Variants in DNM3 observed in about 807,000 individuals in gnomAD.
DNM3 encodes dynamin-3.
Under a neutral mutation model 101.6 loss-of-function variants are expected in DNM3, and 47 were observed. That is an observed-to-expected ratio of 0.46 (90% CI 0.37 to 0.59). DNM3 has a LOEUF of 0.59. DNM3 is among the 20% of genes least tolerant of loss of function. DNM3 has a pLI of 0.00. For missense variants in DNM3, 849 were observed against 1,085.7 expected (o/e 0.78, Z 3.06); for synonymous variants, 385 against 387.9 (o/e 0.99, Z 0.09).
intron 1 of DNM3, among the ~76,000 whole-genome samples, chr1:171,842,489 C>T (rs535179189): frequency 2.0e-5 from 3 of 152,296 alleles, no homozygotes; most frequent in East Asian, 3.9e-4. Flanking sequence ...GGTGTGTTTG[C>T]GTGTGCACCT....
intron 14 of DNM3, among the ~76,000 whole-genome samples, chr1:172,222,402 T>G (rs1300619133): frequency 6.6e-6 from 1 of 152,130 alleles, no homozygotes; most frequent in African/African-American, 2.4e-5. Context: ...ACAGATCCCC[T>G]GGGGCTTTGC....
chr1:172,172,761 G>A (rs538623965), intron 14 of DNM3, among the ~76,000 whole-genome samples: 6 of 151,852 alleles, frequency 4.0e-5, no homozygotes, highest in African/African-American at 1.4e-4. Context: ...AAAAACTGCG[G>A]AATTTAGTGA....
In DNM3 at chr1:172,392,412, A is replaced by G. The variant is rs542702131; in HGVS notation, c.2522+3603A>G. On this transcript the variant is annotated intron_variant, in intron 20 of 20. Transcript: ENST00000627582. ...TGAAGGGGCTAAATGCTGTTTGAAA[A>G]TCCAATCCAGTGTGTATTTATTTAC... Among the ~76,000 whole-genome samples the G allele has an allele frequency of 3.2e-5, 3 of 93,950 alleles. 1 individual carries two copies. In the South Asian group the frequency reaches 1.3e-3, roughly 40 times the overall value. The allele number at this position is 93,950 out of a possible 152,430, so 61.6% of individuals were successfully genotyped here.
chr1:172,124,820 C>T (rs752583645), intron 13 of DNM3, among the ~76,000 whole-genome samples: 13 of 152,176 alleles, frequency 8.5e-5, no homozygotes, highest in Non-Finnish European at 1.9e-4. Flanking sequence ...CCTCAGCTAC[C>T]TTATAGTATA....
chr1:172,097,527 A>G (rs573772873), intron 13 of DNM3, among the ~76,000 whole-genome samples: 9 of 152,362 alleles, frequency 5.9e-5, no homozygotes, highest in African/African-American at 2.2e-4. Flanking sequence ...CACTGTTGTC[A>G]ATAAATACAT....
Position 172,412,654 on chromosome 1 carries a change from G to A in DNM3, c.*4813G>A, listed in dbSNP as rs1573799177. 6 of 985,528 alleles carry A rather than the reference G, an allele frequency of 6.1e-6. No individual in the cohort carries two copies. In the South Asian group the frequency reaches 2.8e-4, roughly 46 times the overall value. The allele number at this position is 985,528 out of a possible 1,614,324, so 61.0% of individuals were successfully genotyped here. A position where few individuals can be genotyped will look rare whatever the true frequency, so the allele number is the denominator to read the frequency against. On this transcript the variant is annotated 3_prime_UTR_variant, in exon 21 of 21. Coordinates refer to ENST00000627582, the MANE Select transcript of DNM3 (RefSeq NM_015569.5). The stretch of plus-strand genomic sequence containing the variant: ...CCTGTATCGTTCTTGAAGGTCACAT[G>A]TACCTATTGTGAAAATGTGAAGCTG...
intron 14 of DNM3, among the ~76,000 whole-genome samples, chr1:172,169,485 G>A (rs944889640): frequency 6.6e-6 from 1 of 151,876 alleles, no homozygotes; most frequent in Non-Finnish European, 1.5e-5. Flanking sequence ...AGGGTGTTTG[G>A]TTTTCAAATG....
At chr1:171,852,108 T>C (rs1369912520) in intron 1 of DNM3, among the ~76,000 whole-genome samples, 3 of 152,206 alleles carry the variant, frequency 2.0e-5, no homozygotes, top group East Asian at 1.9e-4. Context: ...AAAAAAGCTG[T>C]CTTTTAATTG....
chr1:172,115,894 A>G (rs2055853668), intron 13 of DNM3, among the ~76,000 whole-genome samples: 1 of 152,078 alleles, frequency 6.6e-6, no homozygotes, highest in Non-Finnish European at 1.5e-5. Context: ...TTATATGGTT[A>G]TTGTCTATTG....
At chr1:172,057,054 C>G (rs1327813314) in intron 10 of DNM3, among the ~76,000 whole-genome samples, 1 of 151,996 alleles carries the variant, frequency 6.6e-6, no homozygotes, top group East Asian at 1.9e-4. Flanking sequence ...AATTCAGAAG[C>G]CTCAGGAGCC....
At chr1:172,342,851 C>G (rs1197339050) in intron 17 of DNM3, among the ~76,000 whole-genome samples, 1 of 152,170 alleles carries the variant, frequency 6.6e-6, no homozygotes, top group Non-Finnish European at 1.5e-5. Flanking sequence ...GAGTCAGTTT[C>G]TTTGTCCTTC....
intron 4 of DNM3, among the ~76,000 whole-genome samples, chr1:172,023,896 G>T (rs2048017936): frequency 6.8e-6 from 1 of 147,182 alleles, no homozygotes. Flanking sequence ...TCATTTTCTG[G>T]AACAATTCCT....
chr1:172,207,458 T>A (rs893029360), intron 14 of DNM3, among the ~76,000 whole-genome samples: 13 of 152,096 alleles, frequency 8.5e-5, no homozygotes, highest in African/African-American at 3.1e-4. Flanking sequence ...AAGTTTTATT[T>A]CTTATTTTTG....
At chr1:171,992,236 A>G (rs574803537) in intron 4 of DNM3, among the ~76,000 whole-genome samples, 1 of 152,332 alleles carries the variant, frequency 6.6e-6, no homozygotes, top group East Asian at 1.9e-4. Flanking sequence ...GGCAGTAACT[A>G]CATCTCATTT....
chr1:171,965,095 G>A (rs2043478401), intron 2 of DNM3, among the ~76,000 whole-genome samples: 1 of 152,138 alleles, frequency 6.6e-6, no homozygotes, highest in African/African-American at 2.4e-5. Context: ...CCAATCTCAA[G>A]TAGTGAGTCC....
intron 15 of DNM3, among the ~76,000 whole-genome samples, chr1:172,271,372 C>T (rs2063078629): frequency 6.6e-6 from 1 of 152,030 alleles, no homozygotes; most frequent in African/African-American, 2.4e-5. Context: ...CCCTAATAAA[C>T]CCATTTTATG....
intron 1 of DNM3, among the ~76,000 whole-genome samples, chr1:171,874,733 A>C (rs2035601409): frequency 6.6e-6 from 1 of 151,756 alleles, no homozygotes; most frequent in South Asian, 2.1e-4. Context: ...CATGATGCTG[A>C]GGTTTGGAGT....
At chr1:172,044,238 G>A in intron 8 of DNM3, 147 bp from the exon 9 acceptor site, 1 of 666,870 alleles carries the variant, frequency 1.5e-6, no homozygotes, top group East Asian at 2.8e-5. Context: ...TATATAAACA[G>A]ATGTTTTGAC....
At chr1:172,325,891 C>T (rs2065917911) in intron 17 of DNM3, among the ~76,000 whole-genome samples, 1 of 152,100 alleles carries the variant, frequency 6.6e-6, no homozygotes, top group South Asian at 2.1e-4. Flanking sequence ...TTAATGTTTC[C>T]TTAGATGAGC....
Sources: allele counts gnomAD v4.1 joint callset (sites outside exome capture counted in the v4.1 genomes callset), GRCh38; gene constraint gnomAD v4.1.1; transcripts MANE v1.5; gene names NCBI Gene and HGNC (gene_info 2026-07-23, HGNC 2026-07-21).